CFAP52: variants seen among roughly 807,000 people sequenced by gnomAD.
The protein encoded by CFAP52 is cilia and flagella associated protein 52.
A neutral mutation model predicts 70.5 loss-of-function variants in CFAP52; 57 were observed. The ratio of observed to expected loss-of-function variants is 0.81; its 90% CI spans 0.65 to 1.01. The LOEUF is 1.01. Among genes scored for constraint, CFAP52 ranks in the 50% least tolerant of loss-of-function variants. The probability of loss-of-function intolerance (pLI) is 0.00; values close to 1 mark genes in which losing one functional copy is unlikely to be tolerated. For synonymous variants in CFAP52, 267 were observed against 292.5 expected, an observed-to-expected ratio of 0.91 and a Z score of 0.89; for missense variants, 785 against 788.5, an observed-to-expected ratio of 1.00 and a Z score of 0.05.
At chr17:9,640,966 G>A (rs574033194) in intron 12 of CFAP52, among the ~76,000 whole-genome samples, 48 of 152,084 alleles carry the variant, frequency 3.2e-4, no homozygotes, top group Non-Finnish European at 6.2e-4. Context: ...TTTTCTTTAT[G>A]CAGTCTATCA....
chr17:9,625,322 A>G (rs1910197063), intron 8 of CFAP52, among the ~76,000 whole-genome samples: 1 of 152,278 alleles, frequency 6.6e-6, no homozygotes, highest in East Asian at 1.9e-4. Flanking sequence ...GTTTATAACC[A>G]GAATTTACAT....
chr17:9,586,709 T>G lies in CFAP52; in HGVS notation c.282T>G (p.Ile94Met). 1 of 1,611,546 alleles carries G rather than the reference T, an allele frequency of 6.2e-7. No individual in the cohort carries two copies. Among genetic ancestry groups the G allele is most frequent in the Non-Finnish European group, 8.5e-7 (1 of 1,179,304 alleles). Reference protein sequence around the residue: ...VTFMGFKADIILWDYKNRELL... With the variant: ...VTFMGFKADIMLWDYKNRELL... ...GTTCTTGCCCCCAGGCAGACATCAT[T>G]TTGTGGGATTATAAGAACAGAGAGC... Residue 94 changes from isoleucine to methionine, a missense_variant, in exon 3 of 14, where the codon ATT becomes ATG. Transcript: ENST00000352665.
At chr17:9,586,905 G>A (rs933231532) in intron 3 of CFAP52, 71 bp downstream of exon 3, 37 of 1,466,868 alleles carry the variant, frequency 2.5e-5, no homozygotes, top group Middle Eastern at 2.2e-4. Flanking sequence ...AGACGTACAT[G>A]TGCAGGTTTG....
chr17:9,629,924 C>T (rs1910397980), intron 9 of CFAP52, among the ~76,000 whole-genome samples: 1 of 151,884 alleles, frequency 6.6e-6, no homozygotes, highest in South Asian at 2.1e-4. Context: ...TCTTCTCCTC[C>T]TTGTTAGCGT....
At chr17:9,607,017 C>T (rs932779559) in intron 6 of CFAP52, among the ~76,000 whole-genome samples, 8 of 152,126 alleles carry the variant, frequency 5.3e-5, no homozygotes, top group Non-Finnish European at 1.2e-4. Flanking sequence ...AAGACACAAA[C>T]CTATACAGTC....
Position 9,641,747 on chromosome 17 carries a change from T to C in CFAP52, c.1599T>C (p.Asp533=), listed in dbSNP as rs774884333. 1 of 1,613,834 alleles carries C rather than the reference T, an allele frequency of 6.2e-7. No homozygotes were observed. Among genetic ancestry groups the C allele is most frequent in the South Asian group, 1.1e-5 (1 of 91,066 alleles). The change falls in exon 13 of 14, where the codon GAT becomes GAC. Residue 533 remains aspartate (D), a synonymous_variant. Transcript: ENST00000352665. ...DRKIAYWEVF[D]GTVIRELEGS... ...AGATTGCTTACTGGGAAGTATTTGA[T>C]GGGACAGTAATCAGAGAATTGGAAG...
At chr17:9,627,135 A>C (rs1910267081) in intron 8 of CFAP52, among the ~76,000 whole-genome samples, 1 of 146,308 alleles carries the variant, frequency 6.8e-6, no homozygotes, top group South Asian at 2.1e-4. Context: ...TTTGAGCTTG[A>C]CAGACAAAAG....
At chr17:9,611,656 G>A (rs557093072) in intron 7 of CFAP52, among the ~76,000 whole-genome samples, 16 of 152,208 alleles carry the variant, frequency 1.1e-4, no homozygotes, top group African/African-American at 3.6e-4. Flanking sequence ...ATGAACAACT[G>A]TACAAGCTCT....
chr17:9,634,256 C>T (rs1321932053), intron 10 of CFAP52, among the ~76,000 whole-genome samples: 1 of 152,192 alleles, frequency 6.6e-6, no homozygotes, highest in African/African-American at 2.4e-5. Context: ...TTGTGCTCAT[C>T]TTATTTTTCA....
intron 7 of CFAP52, among the ~76,000 whole-genome samples, chr17:9,611,929 G>A (rs979366745): frequency 5.9e-5 from 9 of 152,024 alleles, no homozygotes; most frequent in Non-Finnish European, 1.0e-4. Flanking sequence ...ATCCTTTGAC[G>A]TAAAGCATCT....
At chr17:9,631,096 G>GAAAGAAAGAA (rs60601081) in intron 9 of CFAP52, among the ~76,000 whole-genome samples, 10 of 146,588 alleles carry the variant, frequency 6.8e-5, no homozygotes, top group African/African-American at 2.6e-4. Context: ...AAGAAAGAAA[G>GAAAGAAAGAA]AGAAAGAAAG....
chr17:9,612,740 C>A (rs1474775392), intron 8 of CFAP52, among the ~76,000 whole-genome samples: 1 of 152,142 alleles, frequency 6.6e-6, no homozygotes, highest in Admixed American at 6.5e-5. Context: ...CCTGACAAAA[C>A]CTTTCTGTTT....
rs1316009377 is a variant in CFAP52 at position 9,631,085 on chromosome 17, A to G, written c.1175-1803A>G. On this transcript the variant is annotated intron_variant, in intron 9 of 13. Coordinates refer to ENST00000352665, the MANE Select transcript of CFAP52 (RefSeq NM_145054.5). ...AAGAAAGAAAGAAAGAAAGAAAGAG[A>G]AAGAAAGAAAGAGAAAGAAAGAACA... 1.0e-3 allele frequency among the ~76,000 whole-genome samples: 148 copies of G among 146,526 alleles called. 9 individuals carry two copies. Among genetic ancestry groups the G allele is most frequent in the African/African-American group, 3.6e-3 (142 of 39,606 alleles).
intron 9 of CFAP52, among the ~76,000 whole-genome samples, chr17:9,631,012 AAGAAAGAAAGAAAGAAAGAG>A (rs1323471635): frequency 1.5e-4 from 8 of 53,308 alleles, no homozygotes; most frequent in African/African-American, 7.2e-4. Flanking sequence ...GAAAGAAAGA[AAGAAAGAAAGAAAGAAAGAG>A]AGAGAGAGAG....
intron 11 of CFAP52, among the ~76,000 whole-genome samples, chr17:9,635,915 G>A (rs1270864030): frequency 6.6e-6 from 1 of 152,130 alleles, no homozygotes; most frequent in Non-Finnish European, 1.5e-5. Flanking sequence ...GCTTCTGCCT[G>A]TAATCCCAGC....
At chr17:9,601,545 A>G (rs1172258962) in intron 6 of CFAP52, among the ~76,000 whole-genome samples, 1 of 152,244 alleles carries the variant, frequency 6.6e-6, no homozygotes, top group East Asian at 1.9e-4. Flanking sequence ...TCTTTGATCT[A>G]TAAAACTATA....
rs149568809 is a variant in CFAP52, at chr17:9,585,311, C to T, written c.71-462C>T. On this transcript the variant is annotated intron_variant, in intron 1 of 13. Transcript: ENST00000352665. ...GTTTAAGATGTGATTACTAGATGAA[C>T]GTTTTTGTCAGTGAAATAAAATTAC... Among the ~76,000 whole-genome samples the T allele has an allele frequency of 1.2e-3, 182 of 152,198 alleles. 1 individual carries two copies. Among genetic ancestry groups the T allele is most frequent in the Admixed American group, 5.9e-3 (90 of 15,274 alleles).
chr17:9,631,024 AAGAAAGAGAGAGAGAGAGAGAGAGAGAG>A (rs1383800692), intron 9 of CFAP52, among the ~76,000 whole-genome samples: 15 of 30,020 alleles, frequency 5.0e-4, no homozygotes, highest in Non-Finnish European at 8.0e-4. Flanking sequence ...GAAAGAAAGA[AAGAAAGAGAGAGAGAGAGAGAGAGAGAG>A]AGAAAGAAAG....
At chr17:9,645,417 G>C, downstream of CFAP52, 1 of 301,672 alleles carries the variant, frequency 3.3e-6, no homozygotes, top group Non-Finnish European at 5.8e-6. This position sits in a 1 kb window ranked among gnomAD's most constrained non-coding sequence, Gnocchi z 6.8. Flanking sequence ...CAGGGGTAGG[G>C]GTGGCCCGGC....
Sources: gnomAD v4.1 joint callset for allele counts (sites outside exome capture counted in the v4.1 genomes callset) on GRCh38, gnomAD v4.1.1 for gene constraint, Gnocchi (gnomAD v3.1) non-coding constraint, MANE v1.5 for transcripts, NCBI Gene and HGNC (gene_info 2026-07-23, HGNC 2026-07-21) for gene names.